LTF: variants seen among roughly 807,000 people sequenced by gnomAD.
The protein encoded by LTF is lactotransferrin.
A neutral mutation model predicts 87.2 loss-of-function variants in LTF; 91 were observed. That is an observed-to-expected ratio of 1.04 (90% CI 0.88 to 1.24). The LOEUF is 1.24. Ranked by LOEUF, LTF falls within the 50% of genes most tolerant of loss-of-function variation. The probability of loss-of-function intolerance (pLI) is 0.00; values close to 1 mark genes in which losing one functional copy is unlikely to be tolerated. For missense variants in LTF, 901 were observed against 904.3 expected (o/e 1.00, Z 0.05); for synonymous variants, 378 against 356.1 (o/e 1.06, Z -0.69).
At chr3:46,470,870 G>T (rs1405760783) in intron 1 of LTF, among the ~76,000 whole-genome samples, 3 of 152,206 alleles carry the variant, frequency 2.0e-5, no homozygotes, top group Non-Finnish European at 2.9e-5. Context: ...ACCGTATGAG[G>T]TGGGTAGAAT....
In LTF at chr3:46,439,338, C is replaced by T. The variant is rs199982755; in HGVS notation, c.1866G>A (p.Met622Ile). The change falls in exon 15 of 17, where the codon ATG (methionine) becomes ATA (isoleucine). Residue 622 changes from methionine (M) to isoleucine (I), a missense_variant. Met to Ile is a conservative substitution (Grantham distance 10). Transcript: ENST00000231751. ...CCTGTTTCAGGCGTTCCACCTTATC[C>T]ATCCGAGACACCACGGCATGATTCG... is the stretch of plus-strand genomic sequence containing the variant. ...MAPNHAVVSR[M>I]DKVERLKQVL... 1.4e-5 allele frequency: 23 copies of T among 1,614,070 alleles called. No homozygotes were observed. Among genetic ancestry groups the T allele is most frequent in the Non-Finnish European group, 1.9e-5 (22 of 1,179,964 alleles).
At position 46,450,570 on chromosome 3, in the gene LTF, G is replaced by A; in HGVS notation, c.807C>T (p.Val269=). The change falls in exon 7 of 17, where the codon GTC becomes GTT. Residue 269 remains valine (V), a synonymous_variant. Coordinates refer to ENST00000231751, the MANE Select transcript of LTF (RefSeq NM_002343.6). The stretch of plus-strand genomic sequence containing the variant: ...TTCGTGCCACAACGGCATGAGAAGG[G>A]ACCCGGGCCAGATGGCAGTCTTTGA... ...DKFKDCHLAR[V]PSHAVVARSV... is the part of the protein sequence containing the mutation. The A allele has an allele frequency of 6.2e-7, 1 of 1,614,146 alleles. No homozygotes were observed. Among genetic ancestry groups the A allele is most frequent in the Non-Finnish European group, 8.5e-7 (1 of 1,180,032 alleles).
At chr3:46,463,407 A>T (rs369920473) in intron 1 of LTF, 2 of 956,496 alleles carry the variant, frequency 2.1e-6, no homozygotes, top group African/African-American at 3.5e-5. Context: ...CCTCCACCCA[A>T]TGCTCACACG....
Position 46,438,145 on chromosome 3 carries a change from A to T in LTF, c.1909-16T>A. On this transcript the variant is annotated splice_polypyrimidine_tract_variant and intron_variant, in intron 15 of 16. Transcript: ENST00000231751. ...CAAATTTAGCCTGCGACAAAAGGGCAGACAGTGAGTAGCTAAGGAAAAGAG... is the reference window on the plus strand; with the variant it reads ...CAAATTTAGCCTGCGACAAAAGGGCTGACAGTGAGTAGCTAAGGAAAAGAG... 6.2e-7 allele frequency: 1 copy of T among 1,607,804 alleles called. No homozygotes were observed.
At position 46,464,849 on chromosome 3, in the gene LTF, C is replaced by A; in HGVS notation, c.19G>T (p.Val7Phe). ...CCGAGGGCCCCGAGGAACAGCAGGA[C>A]GAGGAAGACAAGTTTCATGTCTGCG... MKLVFL[V>F]LLFLGALGLC... The change falls in exon 1 of 17, where the codon GTC (valine) becomes TTC (phenylalanine). Residue 7 changes from valine (V) to phenylalanine (F), a missense_variant. Transcript: ENST00000231751. 1 of 1,613,948 alleles carries A rather than the reference C, an allele frequency of 6.2e-7. No individual in the cohort carries two copies. Among genetic ancestry groups the A allele is most frequent in the Non-Finnish European group, 8.5e-7 (1 of 1,179,990 alleles).
chr3:46,466,291 T>C (rs1008902749), upstream of LTF, among the ~76,000 whole-genome samples: 1 of 150,932 alleles, frequency 6.6e-6, no homozygotes, highest in African/African-American at 2.4e-5. Flanking sequence ...GTACTAACAG[T>C]GAGGGAAATA....
chr3:46,463,158 C>T (rs1410450615), intron 1 of LTF, among the ~76,000 whole-genome samples: 1 of 152,216 alleles, frequency 6.6e-6, no homozygotes, highest in Non-Finnish European at 1.5e-5. Context: ...TTCAACCCCA[C>T]ACTTGTATTC....
intron 1 of LTF, among the ~76,000 whole-genome samples, chr3:46,475,515 A>AACACACACAC (rs59984149): frequency 4.6e-5 from 6 of 130,978 alleles, no homozygotes; most frequent in African/African-American, 1.4e-4. Flanking sequence ...TCTCCCCCTA[A>AACACACACAC]ACACACACAC....
chr3:46,456,170 T>G, intron 3 of LTF, 120 bp downstream of exon 3: 1 of 965,662 alleles, frequency 1.0e-6, no homozygotes, highest in Non-Finnish European at 1.5e-6. Context: ...AGCGACTCCA[T>G]TCCCTACATG....
At chr3:46,463,276 A>T (rs1703129899) in intron 1 of LTF, among the ~76,000 whole-genome samples, 1 of 152,216 alleles carries the variant, frequency 6.6e-6, no homozygotes. Context: ...GGGCCAGGAC[A>T]GGAGTTACTC....
At chr3:46,458,577 T>C (rs934885654) in intron 2 of LTF, among the ~76,000 whole-genome samples, 2 of 152,310 alleles carry the variant, frequency 1.3e-5, no homozygotes, top group South Asian at 4.1e-4. Context: ...TTTTTGTTTT[T>C]GTTTTTTGTT....
In LTF at chr3:46,439,332, C is replaced by T. The variant is rs1452130095; in HGVS notation, c.1872G>A (p.Lys624=). ...PNHAVVSRMD[K]VERLKQVLLH... is the part of the protein sequence containing the mutation. ...GCAACACCTGTTTCAGGCGTTCCACCTTATCCATCCGAGACACCACGGCAT... is the reference window on the plus strand; with the variant it reads ...GCAACACCTGTTTCAGGCGTTCCACTTTATCCATCCGAGACACCACGGCAT... The change falls in exon 15 of 17, where the codon AAG becomes AAA. Residue 624 remains lysine (K), a synonymous_variant. Transcript: ENST00000231751. 4.3e-6 allele frequency: 7 copies of T among 1,613,988 alleles called. No individual in the cohort carries two copies. The highest frequency in any genetic ancestry group is 2.2e-5 in the South Asian group (2 of 91,060).
chr3:46,459,275 CA>C (rs1398235889), intron 2 of LTF, among the ~76,000 whole-genome samples: 1 of 152,258 alleles, frequency 6.6e-6, no homozygotes, highest in Non-Finnish European at 1.5e-5. Flanking sequence ...GTGACCAGGA[CA>C]AGCTTCTTTC....
At chr3:46,449,456 C>T (rs1044714215) in intron 8 of LTF, among the ~76,000 whole-genome samples, 1 of 152,120 alleles carries the variant, frequency 6.6e-6, no homozygotes, top group East Asian at 1.9e-4. Flanking sequence ...CCACCCCCAG[C>T]CCCCCAGTAG....
Position 46,438,008 on chromosome 3 carries a change from G to T in LTF, c.2030C>A (p.Thr677Lys). The T allele has an allele frequency of 6.2e-7, 1 of 1,613,828 alleles. No individual in the cohort carries two copies. The highest frequency in any genetic ancestry group is 8.5e-7 in the Non-Finnish European group (1 of 1,179,944). ...CTGTGGTCCCAAATATTTTTCATAT[G>T]TTGTTTTGCCATGGAGTCTGGCCAG... ...ECLARLHGKTTYEKYLGPQYV... is the reference protein window; with the variant it reads ...ECLARLHGKTKYEKYLGPQYV... Residue 677 changes from threonine to lysine, a missense_variant, in exon 16 of 17, where the codon ACA becomes AAA. Physicochemically the swap from Thr to Lys is moderately conservative, Grantham distance 78. Coordinates refer to ENST00000231751, the MANE Select transcript of LTF (RefSeq NM_002343.6).
Position 46,436,130 on chromosome 3 carries a change from G to T in LTF, c.*65C>A. 6.5e-7 allele frequency: 1 copy of T among 1,529,310 alleles called. No individual in the cohort carries two copies. The highest frequency in any genetic ancestry group is 9.1e-7 in the Non-Finnish European group (1 of 1,102,914). 94.7% of individuals were successfully genotyped at this position (1,529,310 alleles called of 1,614,324 possible). A position where few individuals can be genotyped will look rare whatever the true frequency, so the allele number is the denominator to read the frequency against. The stretch of plus-strand genomic sequence containing the variant: ...GAGGCCAAGGCCCCAACACACCTGG[G>T]GAGAAGAGCTGGGGGCAGTGAATGG... On this transcript the variant is annotated 3_prime_UTR_variant, in exon 17 of 17. Transcript: ENST00000231751.
chr3:46,477,681 C>T (rs932478022), intron 1 of LTF, among the ~76,000 whole-genome samples: 2 of 152,124 alleles, frequency 1.3e-5, no homozygotes, highest in Non-Finnish European at 2.9e-5. Context: ...GCTGCTCAAT[C>T]GATATTTTTT....
chr3:46,455,263 G>T, intron 5 of LTF, 32 bp downstream of exon 5: 1 of 1,613,638 alleles, frequency 6.2e-7, no homozygotes, highest in Non-Finnish European at 8.5e-7. Flanking sequence ...GGGACACTTG[G>T]CCACTGACGA....
chr3:46,449,750 C>T, intron 8 of LTF, 104 bp downstream of exon 8: 1 of 1,227,604 alleles, frequency 8.1e-7, no homozygotes, highest in Non-Finnish European at 1.2e-6. Context: ...CACGATGACC[C>T]CACAGTGTCT....
Sources: allele counts gnomAD v4.1 joint callset (sites outside exome capture counted in the v4.1 genomes callset), GRCh38; gene constraint gnomAD v4.1.1; transcripts MANE v1.5; gene names NCBI Gene and HGNC (gene_info 2026-07-23, HGNC 2026-07-21).